ADAM22: variants seen among roughly 807,000 people sequenced by gnomAD.
ADAM22 encodes disintegrin and metalloproteinase domain-containing protein 22.
A neutral mutation model predicts 144.6 loss-of-function variants in ADAM22; 65 were observed. The ratio of observed to expected loss-of-function variants is 0.45; its 90% CI spans 0.37 to 0.55. ADAM22 has a LOEUF of 0.55. ADAM22 is among the 20% of genes least tolerant of loss of function. The probability of loss-of-function intolerance (pLI) is 0.00; values close to 1 mark genes in which losing one functional copy is unlikely to be tolerated. For missense variants in ADAM22, 974 were observed against 1,184.9 expected, an observed-to-expected ratio of 0.82 and a Z score of 2.61; for synonymous variants, 391 against 412.6, an observed-to-expected ratio of 0.95 and a Z score of 0.63.
intron 3 of ADAM22, among the ~76,000 whole-genome samples, chr7:87,987,614 T>G (rs1020447880): frequency 3.9e-5 from 6 of 152,244 alleles, no homozygotes; most frequent in Non-Finnish European, 5.9e-5. Flanking sequence ...GATATGGCTG[T>G]TAAACTATTG....
At position 88,139,456 on chromosome 7, in the gene ADAM22, A is replaced by G. The variant is rs1358915631; in HGVS notation, c.1220+3425A>G. On this transcript the variant is annotated intron_variant, in intron 14 of 31. Coordinates refer to ENST00000413139, the MANE Select transcript of ADAM22 (RefSeq NM_001324418.2). ...TAAATAAATAAATAAATAAATAAAT[A>G]AAAGGAGGGGCTTTGAAAAAAGACC... Among the ~76,000 whole-genome samples the G allele has an allele frequency of 5.3e-5, 8 of 150,320 alleles. No individual in the cohort carries two copies. In the Admixed American group the frequency reaches 5.3e-4, roughly 10 times the overall value.
rs2131148450 is a variant in ADAM22, at chr7:87,935,169, G to A, written c.229G>A (p.Asp77Asn). Residue 77 changes from aspartate to asparagine, a missense_variant, in exon 2 of 32, where the codon GAC becomes AAC. Around this residue, in one of 2 missense-constraint regions of ADAM22, gnomAD observed 240 missense variants for 234.3 expected, o/e 1.02. Coordinates refer to ENST00000413139, the MANE Select transcript of ADAM22 (RefSeq NM_001324418.2). ...HDALDTRVRGDLGGPQLTHVD... is the reference protein window; with the variant it reads ...HDALDTRVRGNLGGPQLTHVD... ...CGCGCTCGACACGCGGGTGCGGGGC[G>A]ACCTCGGTGGCCCGCAGGTGAGAGG... 6.2e-7 allele frequency: 1 copy of A among 1,608,236 alleles called. No homozygotes were observed. The highest frequency in any genetic ancestry group is 1.1e-5 in the South Asian group (1 of 90,554).
chr7:87,966,451 A>G (rs1849063801), intron 2 of ADAM22, among the ~76,000 whole-genome samples: 1 of 152,182 alleles, frequency 6.6e-6, no homozygotes, highest in South Asian at 2.1e-4. Flanking sequence ...GGCCAAGATG[A>G]TGGAGAGACT....
At chr7:88,013,709 A>T (rs1023077372) in intron 3 of ADAM22, among the ~76,000 whole-genome samples, 2 of 152,180 alleles carry the variant, frequency 1.3e-5, no homozygotes, top group African/African-American at 2.4e-5. Context: ...TACAGGCGTG[A>T]GCCACCATGC....
In ADAM22 at chr7:88,006,950, G is replaced by A. The variant is rs1448248735; in HGVS notation, c.323+28538G>A. Among the ~76,000 whole-genome samples the A allele has an allele frequency of 1.6e-4, 24 of 151,460 alleles. No homozygotes were observed. The South Asian group carries it at 1.9e-3, about 12-fold the overall frequency. Reference sequence around the variant, plus strand: ...TAAAGGGTATTCAATTAGGAAAAGAGGAAGTCAAATTGTCCCTGTTTGCAG... The same window carrying A: ...TAAAGGGTATTCAATTAGGAAAAGAAGAAGTCAAATTGTCCCTGTTTGCAG... On this transcript the variant is annotated intron_variant, in intron 3 of 31. Coordinates refer to ENST00000413139, the MANE Select transcript of ADAM22 (RefSeq NM_001324418.2).
intron 3 of ADAM22, among the ~76,000 whole-genome samples, chr7:88,049,750 G>C (rs765622061): frequency 7.9e-5 from 12 of 152,150 alleles, no homozygotes; most frequent in Non-Finnish European, 1.6e-4. Context: ...TGGGGTGAAA[G>C]GGATGATTTT....
intron 3 of ADAM22, among the ~76,000 whole-genome samples, chr7:88,027,246 G>A (rs986884257): frequency 1.3e-5 from 2 of 152,078 alleles, no homozygotes; most frequent in African/African-American, 2.4e-5. Context: ...TGGCTTTGTA[G>A]AATGAGTTTG....
chr7:88,107,822 C>T (rs970997663), intron 4 of ADAM22, among the ~76,000 whole-genome samples: 2 of 151,482 alleles, frequency 1.3e-5, no homozygotes, highest in African/African-American at 4.9e-5. Flanking sequence ...GAACTTCTGG[C>T]CTTAAGTGAT....
intron 11 of ADAM22, 129 bp downstream of exon 11, chr7:88,131,564 G>A: frequency 3.1e-6 from 3 of 953,858 alleles, no homozygotes; most frequent in Non-Finnish European, 4.6e-6. Context: ...AGATAGATTT[G>A]GAAAAAGTTT....
At chr7:88,047,341 G>A (rs1383276625) in intron 3 of ADAM22, among the ~76,000 whole-genome samples, 2 of 152,060 alleles carry the variant, frequency 1.3e-5, no homozygotes, top group Non-Finnish European at 2.9e-5. Flanking sequence ...TACAAACCAT[G>A]GACATTTAAT....
At chr7:88,181,093 C>T (rs1215375107) in intron 27 of ADAM22, among the ~76,000 whole-genome samples, 1 of 152,068 alleles carries the variant, frequency 6.6e-6, no homozygotes, top group Non-Finnish European at 1.5e-5. Context: ...TCTTGGAAGT[C>T]CATGTTCTCA....
At chr7:88,136,788 A>G (rs1833088388) in intron 14 of ADAM22, among the ~76,000 whole-genome samples, 1 of 152,008 alleles carries the variant, frequency 6.6e-6, no homozygotes. Context: ...CTTGTAACCA[A>G]ATACCACCTG....
chr7:88,164,335 A>G (rs890139968), intron 23 of ADAM22, among the ~76,000 whole-genome samples: 2 of 152,192 alleles, frequency 1.3e-5, no homozygotes, highest in Non-Finnish European at 1.5e-5. Context: ...AAGAATAATC[A>G]ATGCAAATAA....
intron 2 of ADAM22, among the ~76,000 whole-genome samples, chr7:87,945,106 G>A (rs909632536): frequency 5.9e-5 from 9 of 152,022 alleles, no homozygotes; most frequent in Admixed American, 4.6e-4. Context: ...ACTGTGCCTT[G>A]CATGGATCAG....
chr7:88,075,831 A>T, intron 4 of ADAM22, 139 bp downstream of exon 4: 1 of 715,862 alleles, frequency 1.4e-6, no homozygotes, highest in Non-Finnish European at 2.3e-6. Flanking sequence ...AAGTTTTATC[A>T]CCCACTTTGG....
intron 3 of ADAM22, among the ~76,000 whole-genome samples, chr7:88,035,939 G>A (rs1801437551): frequency 6.6e-6 from 1 of 152,168 alleles, no homozygotes; most frequent in Non-Finnish European, 1.5e-5. Flanking sequence ...CACAGGCAAA[G>A]TCAGGAAAAA....
At chr7:88,025,267 G>C (rs1428730550) in intron 3 of ADAM22, among the ~76,000 whole-genome samples, 1 of 152,136 alleles carries the variant, frequency 6.6e-6, no homozygotes, top group African/African-American at 2.4e-5. Context: ...GTGTATTCTG[G>C]TTATTAATCC....
At chr7:88,128,532 A>G (rs1830992288) in intron 8 of ADAM22, 70 bp from the exon 9 acceptor site, 1 of 1,266,492 alleles carries the variant, frequency 7.9e-7, no homozygotes, top group Non-Finnish European at 1.1e-6. Flanking sequence ...AGTTTCTTCC[A>G]TATTTTTTAG....
chr7:87,943,112 TTAAA>T (rs1442179568), intron 2 of ADAM22, among the ~76,000 whole-genome samples: 2 of 149,524 alleles, frequency 1.3e-5, no homozygotes, highest in Admixed American at 6.7e-5. Flanking sequence ...ATTTATTAAC[TTAAA>T]TAAATATAAA....
Sources: allele counts gnomAD v4.1 joint callset (sites outside exome capture counted in the v4.1 genomes callset), GRCh38; gene constraint gnomAD v4.1.1; regional missense constraint gnomAD v4.1.1; transcripts MANE v1.5; gene names NCBI Gene and HGNC (gene_info 2026-07-23, HGNC 2026-07-21).